PSMF1: variants seen among roughly 807,000 people sequenced by gnomAD.
PSMF1 encodes the protein proteasome inhibitor subunit 1.
A neutral mutation model predicts 29.3 loss-of-function variants in PSMF1; 30 were observed. That is an observed-to-expected ratio of 1.02 (90% confidence interval 0.77 to 1.39). PSMF1 has a LOEUF of 1.39. PSMF1 is among the 40% of genes most tolerant of loss of function. PSMF1 has a pLI of 0.00. For synonymous variants in PSMF1, 134 were observed against 139.7 expected (o/e 0.96, Z 0.29); for missense variants, 344 against 357.5 (o/e 0.96, Z 0.31).
chr20:1,145,975 G>A (rs1486303891), intron 4 of PSMF1, among the ~76,000 whole-genome samples: 2 of 152,112 alleles, frequency 1.3e-5, no homozygotes, highest in East Asian at 3.9e-4. Context: ...TCTTTGCTCT[G>A]TGTTTTCACC....
At chr20:1,138,236 A>G (rs1208382254) in intron 4 of PSMF1, among the ~76,000 whole-genome samples, 2 of 152,210 alleles carry the variant, frequency 1.3e-5, no homozygotes, top group Non-Finnish European at 2.9e-5. Flanking sequence ...AAAACCCTTA[A>G]CAAAGTACTA....
intron 4 of PSMF1, among the ~76,000 whole-genome samples, chr20:1,142,743 G>A (rs2086399957): frequency 2.0e-5 from 3 of 152,326 alleles, no homozygotes; most frequent in Middle Eastern, 3.4e-3. Flanking sequence ...ATGTGCATGT[G>A]TCTTTATAGC....
chr20:1,140,460 A>G (rs1385009316), intron 4 of PSMF1, among the ~76,000 whole-genome samples: 1 of 152,222 alleles, frequency 6.6e-6, no homozygotes, highest in Non-Finnish European at 1.5e-5. Flanking sequence ...ACCTGAGTGT[A>G]AGAGCTTGAA....
chr20:1,160,899 T>C, intron 4 of PSMF1: 2 of 448,336 alleles, frequency 4.5e-6, no homozygotes, highest in South Asian at 1.9e-5. Context: ...TGCTGCTGAC[T>C]GAGGGCCCCC....
intron 3 of PSMF1, among the ~76,000 whole-genome samples, chr20:1,133,569 A>ATATATTTTTTTTTTT: frequency 1.9e-5 from 1 of 53,284 alleles, no homozygotes; most frequent in Non-Finnish European, 4.6e-5. Context: ...ATATATATAT[A>ATATATTTTTTTTTTT]TTTTTTTTTT....
intron 1 of PSMF1, among the ~76,000 whole-genome samples, chr20:1,121,093 G>T (rs2122443668): frequency 6.6e-6 from 1 of 152,022 alleles, no homozygotes; most frequent in African/African-American, 2.4e-5. Context: ...ATTTTCAGAT[G>T]AAATGTACAG....
chr20:1,158,785 G>T (rs1161228588), intron 4 of PSMF1, among the ~76,000 whole-genome samples: 2 of 152,162 alleles, frequency 1.3e-5, no homozygotes, highest in East Asian at 3.8e-4. Context: ...GTACGAAAAT[G>T]ATTTTAAAAA....
intron 4 of PSMF1, among the ~76,000 whole-genome samples, chr20:1,162,559 G>T (rs1039788402): frequency 3.9e-4 from 59 of 152,268 alleles, no homozygotes; most frequent in Admixed American, 3.9e-3. Flanking sequence ...GCAGAAATCG[G>T]CTATTAGGGT....
chr20:1,158,997 A>G (rs1302836899), intron 4 of PSMF1, among the ~76,000 whole-genome samples: 8 of 151,728 alleles, frequency 5.3e-5, no homozygotes, highest in African/African-American at 1.9e-4. Flanking sequence ...CAGAGGTTGC[A>G]GTGAGCTGAG....
upstream of PSMF1, among the ~76,000 whole-genome samples, chr20:1,116,659 G>A (rs1021048429): frequency 1.3e-5 from 2 of 152,138 alleles, no homozygotes; most frequent in African/African-American, 2.4e-5. Context: ...AGGTACATAT[G>A]TGCACAAGGT....
At position 1,166,314 on chromosome 20, in the gene PSMF1, C is replaced by T. The variant is rs190099428; in HGVS notation, c.*1234C>T. 10,213 of 1,540,808 alleles carry T rather than the reference C, an allele frequency of 6.6e-3. 70 individuals carry two copies. The highest frequency in any genetic ancestry group is 7.0e-3 in the Non-Finnish European group (7,805 of 1,118,968). On this transcript the variant is annotated 3_prime_UTR_variant, in exon 7 of 7. Transcript: ENST00000335877. ...AGCACCAGGCTAAGAGGCACGAGAT[C>T]AAGGCGGTAGTCACTTCCGCTCTGC...
intron 3 of PSMF1, among the ~76,000 whole-genome samples, chr20:1,134,643 A>G (rs2086278341): frequency 6.6e-6 from 1 of 152,074 alleles, no homozygotes; most frequent in African/African-American, 2.4e-5. Context: ...TGGTAGGGGC[A>G]GCCTTCCGAG....
Position 1,165,154 on chromosome 20 carries a change from C to T in PSMF1, c.*74C>T, listed in dbSNP as rs1291636838. ...TGCCACCGCTGTCCCCATCAGCAAC[C>T]ATGTTCTTGCAGGCTGGGGGCAAGG... On this transcript the variant is annotated 3_prime_UTR_variant, in exon 7 of 7. Transcript: ENST00000335877. 1.2e-6 allele frequency: 2 copies of T among 1,611,668 alleles called. No individual in the cohort carries two copies. The highest frequency in any genetic ancestry group is 2.7e-5 in the African/African-American group (2 of 74,906).
intron 4 of PSMF1, among the ~76,000 whole-genome samples, chr20:1,156,130 T>A (rs914830374): frequency 1.3e-5 from 2 of 152,174 alleles, no homozygotes; most frequent in Non-Finnish European, 1.5e-5. Context: ...GTAAGAAAAT[T>A]TAAATCTCAC....
intron 1 of PSMF1, among the ~76,000 whole-genome samples, chr20:1,120,660 G>A (rs1229676282): frequency 1.3e-5 from 2 of 152,180 alleles, no homozygotes; most frequent in Non-Finnish European, 2.9e-5. Context: ...TATGTGGGAT[G>A]GTGCAGGGGA....
At chr20:1,134,635 G>A (rs2086278139) in intron 3 of PSMF1, among the ~76,000 whole-genome samples, 1 of 152,148 alleles carries the variant, frequency 6.6e-6, no homozygotes, top group Non-Finnish European at 1.5e-5. Flanking sequence ...GGGACAGGTG[G>A]TAGGGGCAGC....
intron 4 of PSMF1, among the ~76,000 whole-genome samples, chr20:1,140,947 T>C (rs923407201): frequency 6.6e-6 from 1 of 152,228 alleles, no homozygotes; most frequent in African/African-American, 2.4e-5. Context: ...TAAATGTCTA[T>C]CATTTGATGA....
rs2122428153 is a variant in PSMF1 at position 1,118,633 on chromosome 20, C to G, written c.-141C>G. The G allele has an allele frequency of 9.6e-7, 1 of 1,040,744 alleles. No individual in the cohort carries two copies. Among genetic ancestry groups the G allele is most frequent in the South Asian group, 1.9e-5 (1 of 51,890 alleles). 64.5% of individuals were successfully genotyped at this position (1,040,744 alleles called of 1,614,324 possible). A position where few individuals can be genotyped will look rare whatever the true frequency, so the allele number is the denominator to read the frequency against. ...CCCGCCCCGCCCCGTCCCCGGGCGTCTCCATTTTGGTCTCAGGTGTGGACT... is the reference window on the plus strand; with the variant it reads ...CCCGCCCCGCCCCGTCCCCGGGCGTGTCCATTTTGGTCTCAGGTGTGGACT... On this transcript the variant is annotated 5_prime_UTR_variant, in exon 1 of 7. Transcript: ENST00000335877.
In PSMF1 at chr20:1,167,416, T is replaced by G. The variant is rs750400930; in HGVS notation, c.*2336T>G. On this transcript the variant is annotated 3_prime_UTR_variant, in exon 7 of 7. Coordinates refer to ENST00000335877, the MANE Select transcript of PSMF1 (RefSeq NM_006814.5). Reference sequence around the variant, plus strand: ...TTTAAAGTATACAATTCAGTGGATTTAGTATGTTCACAGTGTTGCACATCC... The same window carrying G: ...TTTAAAGTATACAATTCAGTGGATTGAGTATGTTCACAGTGTTGCACATCC... The G allele has an allele frequency of 3.9e-5, 6 of 152,258 alleles. No individual in the cohort carries two copies. The highest frequency in any genetic ancestry group is 8.8e-5 in the Non-Finnish European group (6 of 68,046). 9.4% of individuals were successfully genotyped at this position (152,258 alleles called of 1,614,324 possible). A position where few individuals can be genotyped will look rare whatever the true frequency, so the allele number is the denominator to read the frequency against.
Sources: gnomAD v4.1 joint callset for allele counts (sites outside exome capture counted in the v4.1 genomes callset) on GRCh38, gnomAD v4.1.1 for gene constraint, MANE v1.5 for transcripts, NCBI Gene and HGNC (gene_info 2026-07-23, HGNC 2026-07-21) for gene names.